The following ITGB3BP variants were observed in gnomAD, a reference collection of about 807,000 sequenced individuals.
ITGB3BP encodes the protein centromere protein R.
In ITGB3BP, 27 loss-of-function variants were observed where a neutral mutation model predicts 29.1. That is an observed-to-expected ratio of 0.93 (90% confidence interval 0.68 to 1.28). The LOEUF (loss-of-function observed/expected upper bound fraction) is 1.28. ITGB3BP is among the 50% of genes most tolerant of loss of function. The pLI is 0.00. For missense variants in ITGB3BP, 192 were observed against 200.2 expected, an observed-to-expected ratio of 0.96 and a Z score of 0.25; for synonymous variants, 61 against 61.4, an observed-to-expected ratio of 0.99 and a Z score of 0.03.
chr1:63,472,350 C>G (rs112719328), intron 4 of ITGB3BP, among the ~76,000 whole-genome samples: 1,850 of 146,338 alleles, frequency 0.013, 34 homozygotes, highest in African/African-American at 0.044. Flanking sequence ...TCTCTCCTAG[C>G]TATGATATTT....
chr1:63,445,243 G>A (rs1202915957), intron 8 of ITGB3BP, among the ~76,000 whole-genome samples: 1 of 152,042 alleles, frequency 6.6e-6, no homozygotes, highest in African/African-American at 2.4e-5. Context: ...CCGAGATCGT[G>A]CCACTGCACT....
intron 4 of ITGB3BP, among the ~76,000 whole-genome samples, chr1:63,468,166 T>C (rs984980278): frequency 1.2e-4 from 18 of 152,206 alleles, no homozygotes; most frequent in Non-Finnish European, 2.2e-4. Context: ...AAGATCTCCA[T>C]CTGAGAAGTA....
chr1:63,510,050 C>T (rs1008677819), intron 1 of ITGB3BP: 14 of 581,680 alleles, frequency 2.4e-5, no homozygotes, highest in African/African-American at 7.6e-5. Context: ...ATTAGCCTAG[C>T]GTGGTGGTGC....
chr1:63,456,144 T>A (rs1229180919), intron 4 of ITGB3BP, among the ~76,000 whole-genome samples: 2 of 152,108 alleles, frequency 1.3e-5, no homozygotes, highest in South Asian at 4.1e-4. Context: ...CAAGATTACA[T>A]CAGTGTTAGT....
At chr1:63,478,456 C>T (rs1309729046) in intron 4 of ITGB3BP, among the ~76,000 whole-genome samples, 1 of 152,238 alleles carries the variant, frequency 6.6e-6, no homozygotes, top group Non-Finnish European at 1.5e-5. Flanking sequence ...CTAAACCACG[C>T]ATTACTTCTC....
chr1:63,499,450 C>T (rs1645871438), intron 2 of ITGB3BP, among the ~76,000 whole-genome samples: 1 of 152,072 alleles, frequency 6.6e-6, no homozygotes, highest in African/African-American at 2.4e-5. Flanking sequence ...TGCGCCCAGC[C>T]TTTCTACTAA....
chr1:63,527,234 A>AGGTGCTATCAATCTTATGAAATT (rs1263721460), upstream of ITGB3BP, among the ~76,000 whole-genome samples: 1 of 152,240 alleles, frequency 6.6e-6, no homozygotes, highest in African/African-American at 2.4e-5. Flanking sequence ...TGTATTACTA[A>AGGTGCTATCAATCTTATGAAATT]GGTGCTATCA....
In ITGB3BP at chr1:63,508,516, G is replaced by A; in HGVS notation, c.48+12C>T. On this transcript the variant is annotated intron_variant, in intron 2 of 8. Coordinates refer to ENST00000271002, the MANE Select transcript of ITGB3BP (RefSeq NM_014288.5). The stretch of plus-strand genomic sequence containing the variant: ...ATCTTATTCAATGACAAACTTTTAA[G>A]CAAATACTTACATTTTCTTCTAACA... 1 of 1,348,360 alleles carries A rather than the reference G, an allele frequency of 7.4e-7. No individual in the cohort carries two copies. The highest frequency in any genetic ancestry group is 1.0e-6 in the Non-Finnish European group (1 of 980,834). 83.5% of individuals were successfully genotyped at this position (1,348,360 alleles called of 1,614,324 possible). A position where few individuals can be genotyped will look rare whatever the true frequency, so the allele number is the denominator to read the frequency against.
chr1:63,468,033 C>T (rs1320752250), intron 4 of ITGB3BP, among the ~76,000 whole-genome samples: 1 of 152,188 alleles, frequency 6.6e-6, no homozygotes, highest in Non-Finnish European at 1.5e-5. Context: ...AGCCAGAAGA[C>T]AAACAGGACC....
upstream of ITGB3BP, chr1:63,525,508 A>G (rs1269551515): frequency 3.9e-6 from 5 of 1,277,824 alleles, no homozygotes; most frequent in Admixed American, 2.9e-5. Context: ...TTTGAAAGAC[A>G]TGGTGACATT....
chr1:63,495,796 C>A (rs1323774757), intron 2 of ITGB3BP, among the ~76,000 whole-genome samples: 1 of 152,100 alleles, frequency 6.6e-6, no homozygotes, highest in Non-Finnish European at 1.5e-5. Flanking sequence ...CTCTAGGCAA[C>A]CCCTTTTCCT....
chr1:63,462,330 C>CT (rs1557615777), intron 4 of ITGB3BP, among the ~76,000 whole-genome samples: 1 of 152,130 alleles, frequency 6.6e-6, no homozygotes, highest in Non-Finnish European at 1.5e-5. Flanking sequence ...TACCCTGAAA[C>CT]TTTTTTTGAC....
chr1:63,518,637 T>A (rs962524519), intron 1 of ITGB3BP, among the ~76,000 whole-genome samples: 1 of 151,674 alleles, frequency 6.6e-6, no homozygotes. Context: ...CAGTAAAGAG[T>A]TAGGACTTGC....
At chr1:63,445,247 C>G (rs1644776535) in intron 8 of ITGB3BP, among the ~76,000 whole-genome samples, 1 of 151,976 alleles carries the variant, frequency 6.6e-6, no homozygotes, top group African/African-American at 2.4e-5. Flanking sequence ...GATCGTGCCA[C>G]TGCACTCCAG....
chr1:63,449,141 C>G lies in ITGB3BP; in HGVS notation c.485-2285G>C, dbSNP rs530127584. 2.6e-5 allele frequency among the ~76,000 whole-genome samples: 4 copies of G among 152,172 alleles called. No individual in the cohort carries two copies. The South Asian group carries it at 8.3e-4, about 32-fold the overall frequency. On this transcript the variant is annotated intron_variant, in intron 7 of 8. Transcript: ENST00000271002. ...CGCTGTAGAAGGAAAATTTATGAAA[C>G]CTTTGCACAACTCCTTTAATTGAAT...
chr1:63,477,817 C>T (rs900133148), intron 4 of ITGB3BP, among the ~76,000 whole-genome samples: 1 of 152,094 alleles, frequency 6.6e-6, no homozygotes, highest in Non-Finnish European at 1.5e-5. Flanking sequence ...AGAAGATACA[C>T]TGAAATGGTA....
chr1:63,469,335 T>TA (rs1645155889), intron 4 of ITGB3BP, among the ~76,000 whole-genome samples: 2 of 151,714 alleles, frequency 1.3e-5, no homozygotes, highest in African/African-American at 4.8e-5. Flanking sequence ...TATTATTTTT[T>TA]TTTTTTTTGA....
chr1:63,521,643 G>GC (rs1370554948), intron 1 of ITGB3BP, among the ~76,000 whole-genome samples: 1 of 152,102 alleles, frequency 6.6e-6, no homozygotes, highest in East Asian at 1.9e-4. Context: ...ACCAGGCTGG[G>GC]CAACACAGGG....
rs368373833 is a variant in ITGB3BP at position 63,453,645 on chromosome 1, A to G, written c.484+273T>C. 6 of 262,374 alleles carry G rather than the reference A, an allele frequency of 2.3e-5. No individual in the cohort carries two copies. The East Asian group carries it at 3.0e-4, about 13-fold the overall frequency. The allele number at this position is 262,374 out of a possible 1,614,324, so 16.3% of individuals were successfully genotyped here. On this transcript the variant is annotated intron_variant, in intron 7 of 8. Transcript: ENST00000271002. ...CTCAAAAAGAAATTTTAATAAAAAG[A>G]CAAAATTCAAATCTTATGTTGAAGA... is the stretch of plus-strand genomic sequence containing the variant.
Sources: gnomAD v4.1 joint callset for allele counts (sites outside exome capture counted in the v4.1 genomes callset) on GRCh38, gnomAD v4.1.1 for gene constraint, MANE v1.5 for transcripts, NCBI Gene and HGNC (gene_info 2026-07-23, HGNC 2026-07-21) for gene names.